The following CD8B variants were observed in gnomAD, a reference collection of about 807,000 sequenced individuals.
CD8B encodes T-cell surface glycoprotein CD8 beta chain.
In CD8B, 6 loss-of-function variants were observed where a neutral mutation model predicts 24.2. The observed-to-expected ratio is 0.25, with a 90% CI of 0.14 to 0.49. The LOEUF is 0.49. Ranked by LOEUF, CD8B falls within the 20% of genes least tolerant of loss-of-function variation. The pLI, the probability that CD8B is intolerant of heterozygous loss-of-function variation, is 0.98. For synonymous variants in CD8B, 84 were observed against 108.3 expected, an observed-to-expected ratio of 0.78 and a Z score of 1.39; for missense variants, 196 against 271.3, an observed-to-expected ratio of 0.72 and a Z score of 1.95.
At chr2:86,844,159 C>A (rs1318892894) in intron 5 of CD8B, among the ~76,000 whole-genome samples, 4 of 152,034 alleles carry the variant, frequency 2.6e-5, no homozygotes, top group Non-Finnish European at 5.9e-5. Flanking sequence ...CAGGGCAAAG[C>A]AACTTGCAAA....
intron 5 of CD8B, chr2:86,833,043 G>C: frequency 2.5e-6 from 1 of 402,178 alleles, no homozygotes. Context: ...TCCTCTTGCT[G>C]CAGCCTCCTC....
chr2:86,816,834 C>T (rs1674269521), intron 5 of CD8B, among the ~76,000 whole-genome samples: 1 of 152,154 alleles, frequency 6.6e-6, no homozygotes, highest in Non-Finnish European at 1.5e-5. Context: ...AAGGACAAGC[C>T]ATAAAAGTGT....
chr2:86,843,565 A>G (rs905476579), intron 5 of CD8B: 2 of 983,466 alleles, frequency 2.0e-6, no homozygotes, highest in African/African-American at 3.5e-5. Flanking sequence ...GCCACTCTCG[A>G]TATAAATATA....
At chr2:86,833,148 T>G (rs937495598) in intron 5 of CD8B, 1 of 256,890 alleles carries the variant, frequency 3.9e-6, no homozygotes, top group African/African-American at 2.3e-5. Flanking sequence ...GCATCCTGCT[T>G]TTCCTCCTTA....
chr2:86,848,665 C>T (rs1283399740), intron 3 of CD8B, among the ~76,000 whole-genome samples: 1 of 120,290 alleles, frequency 8.3e-6, no homozygotes, highest in East Asian at 2.4e-4. Context: ...ATGCAAACTC[C>T]CATCTTGTGA....
chr2:86,828,756 G>A (rs1674788417), intron 5 of CD8B, among the ~76,000 whole-genome samples: 1 of 152,022 alleles, frequency 6.6e-6, no homozygotes. Context: ...TATTCATATG[G>A]GCCTACCTCC....
chr2:86,842,830 T>C (rs1675498660), intron 5 of CD8B, among the ~76,000 whole-genome samples: 1 of 152,064 alleles, frequency 6.6e-6, no homozygotes, highest in Non-Finnish European at 1.5e-5. Flanking sequence ...ACCCAGACAA[T>C]AGAAGAGAGT....
At chr2:86,850,488 T>G (rs567976333) in intron 3 of CD8B, among the ~76,000 whole-genome samples, 7 of 152,290 alleles carry the variant, frequency 4.6e-5, no homozygotes, top group Non-Finnish European at 7.4e-5. Flanking sequence ...TAATAGCATC[T>G]CATTTAGCCC....
intron 5 of CD8B, among the ~76,000 whole-genome samples, chr2:86,825,971 G>A (rs78110864): frequency 0.011 from 1,696 of 152,068 alleles, 36 homozygotes; most frequent in African/African-American, 0.039. Flanking sequence ...GCAGACCTCC[G>A]CCACTGGAGC....
At chr2:86,848,710 T>TTATTTATTTAATTTATTTATTTATG in intron 3 of CD8B, among the ~76,000 whole-genome samples, 1 of 85,192 alleles carries the variant, frequency 1.2e-5, no homozygotes, top group Admixed American at 1.2e-4. Context: ...AATTATTTAT[T>TTATTTATTTAATTTATTTATTTATG]TATTTATTTA....
At chr2:86,847,853 A>G (rs1342311803) in intron 3 of CD8B, among the ~76,000 whole-genome samples, 3 of 152,224 alleles carry the variant, frequency 2.0e-5, no homozygotes, top group Non-Finnish European at 4.4e-5. Context: ...GGTGTGAGCT[A>G]CCGCAACTGG....
At chr2:86,846,158 C>T (rs552695255) in intron 4 of CD8B, among the ~76,000 whole-genome samples, 6 of 152,242 alleles carry the variant, frequency 3.9e-5, no homozygotes, top group Non-Finnish European at 7.3e-5. Flanking sequence ...GGAGACAGTC[C>T]CGTCTCTGGG....
chr2:86,839,611 G>A lies in CD8B; in HGVS notation c.*2696C>T, dbSNP rs1675326173. Among the ~76,000 whole-genome samples the A allele has an allele frequency of 6.6e-6, 1 of 152,242 alleles. No homozygotes were observed. Among genetic ancestry groups the A allele is most frequent in the Non-Finnish European group, 1.5e-5 (1 of 68,048 alleles). On this transcript the variant is annotated 3_prime_UTR_variant, in exon 6 of 6. Transcript: ENST00000390655. ...TCCAGCTCCCTGGGCAGCCGGAGCT[G>A]AGCCCGCCTCGGCAGGTGCCTGCTG...
At chr2:86,835,968 A>T (rs1038117757), downstream of CD8B, among the ~76,000 whole-genome samples, 54 of 151,974 alleles carry the variant, frequency 3.6e-4, no homozygotes, top group Non-Finnish European at 6.5e-4. Context: ...GGGGTTAGGG[A>T]CATCTTCTGA....
downstream of CD8B, among the ~76,000 whole-genome samples, chr2:86,833,281 G>A (rs1196328536): frequency 6.8e-6 from 1 of 146,600 alleles, no homozygotes; most frequent in African/African-American, 2.5e-5. Context: ...TGCAACCTCT[G>A]CCTCCTAGGT....
chr2:86,861,235 C>A (rs896053335), intron 1 of CD8B, among the ~76,000 whole-genome samples: 7 of 152,108 alleles, frequency 4.6e-5, no homozygotes, highest in African/African-American at 1.7e-4. Flanking sequence ...CCAGATGCCC[C>A]ATCCAACTCC....
chr2:86,832,368 C>T (rs1233523601), intron 5 of CD8B, among the ~76,000 whole-genome samples: 2 of 151,820 alleles, frequency 1.3e-5, no homozygotes, highest in Non-Finnish European at 2.9e-5. Flanking sequence ...ATCCCAGCTA[C>T]TCAAGAGGCT....
intron 5 of CD8B, chr2:86,833,115 A>G: frequency 3.2e-6 from 1 of 314,124 alleles, no homozygotes; most frequent in Non-Finnish European, 6.4e-6. Context: ...TGTTACAAAA[A>G]AGGATAGTTT....
chr2:86,857,250 C>T (rs1676313240), intron 2 of CD8B, among the ~76,000 whole-genome samples: 2 of 152,172 alleles, frequency 1.3e-5, no homozygotes, highest in Admixed American at 6.5e-5. Context: ...AGGGCACCTG[C>T]CCCTAGAAAT....
Sources: allele counts gnomAD v4.1 joint callset (sites outside exome capture counted in the v4.1 genomes callset), GRCh38; gene constraint gnomAD v4.1.1; transcripts MANE v1.5; gene names NCBI Gene and HGNC (gene_info 2026-07-23, HGNC 2026-07-21).